Variants in CELF2 observed in about 807,000 individuals in gnomAD.
CELF2 encodes the protein CUG triplet repeat RNA-binding protein 2.
CELF2 carries 8 observed loss-of-function variants against 62.6 expected under a neutral mutation model. The ratio of observed to expected loss-of-function variants is 0.13; its 90% confidence interval spans 0.07 to 0.23. CELF2 has a LOEUF of 0.23. CELF2 is among the 10% of genes least tolerant of loss of function. The pLI, the probability that CELF2 is intolerant of heterozygous loss-of-function variation, is 1.00. For missense variants in CELF2, 333 were observed against 671.0 expected, an observed-to-expected ratio of 0.50 and a Z score of 5.56; for synonymous variants, 258 against 250.0, an observed-to-expected ratio of 1.03 and a Z score of -0.30.
At chr10:10,605,694 TGAA>T in the CELF2 span, among the ~76,000 whole-genome samples, 59 of 152,130 alleles carry the variant, frequency 3.9e-4, no homozygotes, top group African/African-American at 1.4e-3. Flanking sequence ...GTCCAGGAAA[TGAA>T]GATCATGTGT....
chr10:10,923,218 G>A (rs116855646), intron 2 of CELF2, among the ~76,000 whole-genome samples: 2 of 152,292 alleles, frequency 1.3e-5, no homozygotes, highest in East Asian at 1.9e-4. Flanking sequence ...GTGCGCTTAC[G>A]CTGTGACGTC....
the CELF2 span, among the ~76,000 whole-genome samples, chr10:10,466,170 A>G: frequency 6.6e-6 from 1 of 152,150 alleles, no homozygotes; most frequent in Non-Finnish European, 1.5e-5. Flanking sequence ...CAAGCTGCAG[A>G]GAGTTTCCAT....
chr10:10,899,920 T>A (rs2062820389), intron 1 of CELF2, among the ~76,000 whole-genome samples: 1 of 152,204 alleles, frequency 6.6e-6, no homozygotes, highest in Admixed American at 6.5e-5. Flanking sequence ...GGATTACAAT[T>A]TGACATGAGA....
the CELF2 span, among the ~76,000 whole-genome samples, chr10:10,650,888 C>G: frequency 1.1e-4 from 17 of 152,250 alleles, no homozygotes; most frequent in Admixed American, 1.1e-3. Context: ...CGAATAGGAA[C>G]AGCTCCGGTC....
chr10:10,651,999 A>G, the CELF2 span, among the ~76,000 whole-genome samples: 1 of 151,320 alleles, frequency 6.6e-6, no homozygotes, highest in Non-Finnish European at 1.5e-5. Flanking sequence ...ATGTATAACT[A>G]GAATAACCAA....
chr10:11,093,455 T>C (rs2048892356), intron 1 of CELF2, among the ~76,000 whole-genome samples: 1 of 152,190 alleles, frequency 6.6e-6, no homozygotes, highest in Admixed American at 6.5e-5. Context: ...ACTAGGGATG[T>C]GGAGAAGGAT....
At chr10:11,176,955 T>A (rs1245554090) in intron 2 of CELF2, among the ~76,000 whole-genome samples, 1 of 152,200 alleles carries the variant, frequency 6.6e-6, no homozygotes, top group African/African-American at 2.4e-5. Flanking sequence ...GCAGAATGTC[T>A]AAGCATCCTG....
rs1361832253 is a variant in CELF2, at chr10:11,317,666, G to A, written c.1096+3408G>A. On this transcript the variant is annotated intron_variant, in intron 10 of 12. Coordinates refer to ENST00000633077, the MANE Select transcript of CELF2 (RefSeq NM_001326342.2). ...TCTCCTTTTCAGTGTCATCTCCTTAGTCCCCCAACAAAAGACATTCACGCT... is the reference window on the plus strand; with the variant it reads ...TCTCCTTTTCAGTGTCATCTCCTTAATCCCCCAACAAAAGACATTCACGCT... The A allele has an allele frequency of 2.6e-5, 4 of 152,326 alleles. No individual in the cohort carries two copies. The East Asian group carries it at 7.7e-4, about 29-fold the overall frequency. 9.4% of individuals were successfully genotyped at this position (152,326 alleles called of 1,614,324 possible).
chr10:10,468,725 A>T, the CELF2 span, among the ~76,000 whole-genome samples: 3 of 151,968 alleles, frequency 2.0e-5, no homozygotes, highest in Non-Finnish European at 4.4e-5. Flanking sequence ...TGTGGGTTTC[A>T]TCCTCAACAC....
At chr10:11,027,021 T>G (rs1030932537) in intron 1 of CELF2, among the ~76,000 whole-genome samples, 15 of 152,204 alleles carry the variant, frequency 9.9e-5, no homozygotes, top group African/African-American at 3.1e-4. Flanking sequence ...TGTGTTTGCC[T>G]TCTCAAAATT....
At chr10:10,493,529 T>G in the CELF2 span, among the ~76,000 whole-genome samples, 2 of 91,286 alleles carry the variant, frequency 2.2e-5, no homozygotes, top group South Asian at 3.4e-4. Context: ...CGTTTTTTTT[T>G]TGTTTGTTTC....
At chr10:11,049,746 T>G (rs1434570954) in intron 1 of CELF2, among the ~76,000 whole-genome samples, 2 of 152,058 alleles carry the variant, frequency 1.3e-5, no homozygotes, top group Non-Finnish European at 2.9e-5. Flanking sequence ...TATTTTTTTG[T>G]TTTTCTTTAA....
the CELF2 span, among the ~76,000 whole-genome samples, chr10:10,567,063 G>T: frequency 6.6e-6 from 1 of 152,082 alleles, no homozygotes; most frequent in Non-Finnish European, 1.5e-5. Flanking sequence ...ATGCAGAAAA[G>T]GACAGTGTTC....
rs372170873 is a variant in CELF2 at position 10,909,013 on chromosome 10, T to C, written c.54-10951T>C. Among the ~76,000 whole-genome samples, 62 of 152,216 alleles carry C rather than the reference T, an allele frequency of 4.1e-4. No homozygotes were observed. In the East Asian group the frequency reaches 5.2e-3, roughly 13 times the overall value. On this transcript the variant is annotated intron_variant, in intron 1 of 13. Coordinates refer to the CELF2 transcript ENST00000636488. ...CATGTTGGTCAGGCTGGTCTCGAAC[T>C]CCTGACCTCAAGTGATCCCACCTGC...
intron 8 of CELF2, among the ~76,000 whole-genome samples, chr10:11,279,798 A>T (rs1455942329): frequency 6.6e-6 from 1 of 152,180 alleles, no homozygotes; most frequent in Non-Finnish European, 1.5e-5. Flanking sequence ...TTTGGTACAT[A>T]ATTTCTTCGT....
rs892119637 is a variant in CELF2, at chr10:11,246,543, C to T, written c.355-2610C>T. Among the ~76,000 whole-genome samples, 10 of 152,116 alleles carry T rather than the reference C, an allele frequency of 6.6e-5. No individual in the cohort carries two copies. Among genetic ancestry groups the T allele is most frequent in the Non-Finnish European group, 1.5e-4 (10 of 68,016 alleles). ...CACAGAACCTACTTCTGATAAATCC[C>T]GTGAAGAATTTTTTATTGCCAGATC... On this transcript the variant is annotated intron_variant, in intron 3 of 12. Coordinates refer to ENST00000633077, the MANE Select transcript of CELF2 (RefSeq NM_001326342.2). This position sits in a 1 kb window ranked among gnomAD's most constrained non-coding sequence, Gnocchi z 4.6.
At chr10:10,666,811 G>A in the CELF2 span, among the ~76,000 whole-genome samples, 3 of 122,036 alleles carry the variant, frequency 2.5e-5, no homozygotes, top group Admixed American at 8.4e-5. Flanking sequence ...GCAGTGAGCC[G>A]AGATCGCGCC....
intron 1 of CELF2, among the ~76,000 whole-genome samples, chr10:11,111,667 G>T (rs1052989896): frequency 6.6e-6 from 1 of 152,082 alleles, no homozygotes; most frequent in African/African-American, 2.4e-5. Flanking sequence ...GCCCTATGTC[G>T]TACAGGTTAG....
At chr10:10,766,701 C>A in the CELF2 span, among the ~76,000 whole-genome samples, 1 of 152,330 alleles carries the variant, frequency 6.6e-6, no homozygotes, top group East Asian at 1.9e-4. Flanking sequence ...TGTTCATGAG[C>A]CTGCTATGTC....
Sources: allele counts gnomAD v4.1 joint callset (sites outside exome capture counted in the v4.1 genomes callset), GRCh38; gene constraint gnomAD v4.1.1; non-coding constraint Gnocchi (gnomAD v3.1); transcripts MANE v1.5; gene names NCBI Gene and HGNC (gene_info 2026-07-23, HGNC 2026-07-21).